WDR19: variants seen among roughly 807,000 people sequenced by gnomAD.
The protein encoded by WDR19 is WD repeat-containing protein 19.
WDR19 carries 121 observed loss-of-function variants against 180.0 expected under a neutral mutation model. The observed-to-expected ratio is 0.67, with a 90% CI of 0.58 to 0.78. The LOEUF is 0.78. Ranked by LOEUF, WDR19 falls within the 30% of genes least tolerant of loss-of-function variation. The pLI is 0.00. For synonymous variants in WDR19, 497 were observed against 540.7 expected (o/e 0.92, Z 1.12); for missense variants, 1,450 against 1,640.7 (o/e 0.88, Z 2.01).
chr4:39,220,383 A>G (rs1007082608), intron 14 of WDR19, among the ~76,000 whole-genome samples: 2 of 152,056 alleles, frequency 1.3e-5, no homozygotes, highest in South Asian at 2.1e-4. Context: ...CAGTGGCACA[A>G]TCATAGCTTA....
In WDR19 at chr4:39,274,927, A is replaced by G; in HGVS notation, c.3685A>G (p.Lys1229Glu). Residue 1229 changes from lysine to glutamate, a missense_variant, in exon 33 of 37, where the codon AAA becomes GAA. Transcript: ENST00000399820. ...RPEYRSKIDA[K>E]YKKKIEGMVR... ...TGAATACCGCAGCAAAATAGATGCC[A>G]AATACAAAAAGAAGATCGAGGGAAT... is the stretch of plus-strand genomic sequence containing the variant. The G allele has an allele frequency of 1.2e-6, 2 of 1,614,062 alleles. No individual in the cohort carries two copies. Among genetic ancestry groups the G allele is most frequent in the Non-Finnish European group, 1.7e-6 (2 of 1,179,890 alleles).
chr4:39,283,487 T>C (rs529659792), intron 36 of WDR19, among the ~76,000 whole-genome samples: 56 of 152,252 alleles, frequency 3.7e-4, no homozygotes, highest in African/African-American at 1.3e-3. Context: ...TCAGTTCCTC[T>C]TGTCTTGCCT....
intron 15 of WDR19, 143 bp downstream of exon 15, chr4:39,225,176 T>TA: frequency 1.5e-6 from 1 of 653,578 alleles, no homozygotes; most frequent in Non-Finnish European, 2.3e-6. Flanking sequence ...TAATATCATG[T>TA]TTATGATAGA....
chr4:39,252,185 A>G (rs1733276060), intron 24 of WDR19, among the ~76,000 whole-genome samples: 1 of 151,988 alleles, frequency 6.6e-6, no homozygotes, highest in Non-Finnish European at 1.5e-5. Flanking sequence ...GCCATAAAAA[A>G]TGATGAGTTC....
At chr4:39,258,937 G>A (rs536167004) in intron 28 of WDR19, among the ~76,000 whole-genome samples, 5 of 152,090 alleles carry the variant, frequency 3.3e-5, no homozygotes, top group African/African-American at 7.2e-5. Context: ...ACATAGTGGC[G>A]GGCACCTGTA....
intron 24 of WDR19, among the ~76,000 whole-genome samples, chr4:39,248,693 G>A (rs1577987425): frequency 6.6e-6 from 1 of 152,032 alleles, no homozygotes; most frequent in African/African-American, 2.4e-5. Context: ...AAAAAGGCAG[G>A]GGTTGCAATC....
intron 5 of WDR19, among the ~76,000 whole-genome samples, chr4:39,197,220 G>C (rs1437803934): frequency 6.6e-6 from 1 of 151,966 alleles, no homozygotes; most frequent in African/African-American, 2.4e-5. Flanking sequence ...CTTGAGGTCA[G>C]GAGTTCGAAA....
At chr4:39,240,469 C>G (rs1731818894) in intron 21 of WDR19, 135 bp downstream of exon 21, 1 of 403,216 alleles carries the variant, frequency 2.5e-6, no homozygotes, top group African/African-American at 2.1e-5. Context: ...TACTAACAAC[C>G]TTGCAAGGAA....
intron 24 of WDR19, among the ~76,000 whole-genome samples, chr4:39,249,900 A>G (rs373292800): frequency 1.3e-5 from 2 of 152,076 alleles, no homozygotes; most frequent in African/African-American, 4.8e-5. Context: ...ATTCACAGCC[A>G]AATTCTACCA....
chr4:39,207,377 T>C (rs1234903827), intron 9 of WDR19, among the ~76,000 whole-genome samples: 1 of 152,174 alleles, frequency 6.6e-6, no homozygotes, highest in Non-Finnish European at 1.5e-5. Flanking sequence ...AAATAATGGC[T>C]GGAAACTTTA....
chr4:39,270,838 A>G lies in WDR19; in HGVS notation c.3483+738A>G, dbSNP rs146486363. 8.3e-3 allele frequency among the ~76,000 whole-genome samples: 1,270 copies of G among 152,224 alleles called. 22 individuals carry two copies. Among genetic ancestry groups the G allele is most frequent in the African/African-American group, 0.029 (1,222 of 41,548 alleles). ...GTTTTGTAAATATTGTTTAGTTTTC[A>G]TCCAAATATAAAAATAATACATATT... On this transcript the variant is annotated intron_variant, in intron 31 of 36. Transcript: ENST00000399820.
At chr4:39,253,022 A>C (rs1733395630) in intron 24 of WDR19, 124 bp from the exon 25 acceptor site, 1 of 929,702 alleles carries the variant, frequency 1.1e-6, no homozygotes, top group African/African-American at 1.7e-5. Flanking sequence ...ATAAAGGAAA[A>C]AGAAGTTCAG....
intron 15 of WDR19, among the ~76,000 whole-genome samples, chr4:39,227,881 G>T (rs1730436185): frequency 6.6e-6 from 1 of 152,144 alleles, no homozygotes; most frequent in Non-Finnish European, 1.5e-5. Context: ...AAGTACAAGT[G>T]TGTTCGTAGT....
intron 21 of WDR19, 112 bp from the exon 22 acceptor site, chr4:39,244,136 A>G (rs1732255497): frequency 7.9e-7 from 1 of 1,267,898 alleles, no homozygotes; most frequent in Non-Finnish European, 1.0e-6. Flanking sequence ...CTGAAAAGAT[A>G]AAAGTAAACC....
intron 3 of WDR19, among the ~76,000 whole-genome samples, chr4:39,187,021 T>C (rs1725630733): frequency 6.6e-6 from 1 of 152,212 alleles, no homozygotes; most frequent in South Asian, 2.1e-4. Flanking sequence ...TTATCCATTT[T>C]CAGGAAATCA....
At chr4:39,269,917 A>C in intron 30 of WDR19, 59 bp from the exon 31 acceptor site, 1 of 1,589,994 alleles carries the variant, frequency 6.3e-7, no homozygotes, top group Non-Finnish European at 8.6e-7. Flanking sequence ...ATGGGGGTCC[A>C]TAGAATGTCC....
rs539065242 is a variant in WDR19 at position 39,241,795 on chromosome 4, CAAAA to C, written c.2421+1472_2421+1475del. ...GGGCGACAAGAGGGAAACTCTGTCT[CAAAA>C]AAAAAAAAAAGAAAGAAAGAAAGAA... On this transcript the variant is annotated intron_variant, in intron 21 of 36. Transcript: ENST00000399820. 2.5e-4 allele frequency among the ~76,000 whole-genome samples: 31 copies of C among 125,926 alleles called. No homozygotes were observed. In the East Asian group the frequency reaches 6.2e-3, roughly 25 times the overall value. The allele number at this position is 125,926 out of a possible 152,430, so 82.6% of individuals were successfully genotyped here.
At chr4:39,266,871 G>A (rs1331812995) in intron 29 of WDR19, among the ~76,000 whole-genome samples, 6 of 152,212 alleles carry the variant, frequency 3.9e-5, no homozygotes, top group Non-Finnish European at 8.8e-5. Flanking sequence ...ATCACTTGAG[G>A]TCAGGAGTTG....
intron 20 of WDR19, among the ~76,000 whole-genome samples, chr4:39,239,646 A>G (rs944511602): frequency 6.6e-6 from 1 of 152,220 alleles, no homozygotes; most frequent in Non-Finnish European, 1.5e-5. Flanking sequence ...AAAGCTGCAC[A>G]TCCTGCACGT....
Sources: allele counts gnomAD v4.1 joint callset (sites outside exome capture counted in the v4.1 genomes callset), GRCh38; gene constraint gnomAD v4.1.1; transcripts MANE v1.5; gene names NCBI Gene and HGNC (gene_info 2026-07-23, HGNC 2026-07-21).